FSTL4: variants seen among roughly 807,000 people sequenced by gnomAD.
The protein encoded by FSTL4 is follistatin like 4.
In FSTL4, 28 loss-of-function variants were observed where a neutral mutation model predicts 78.2. The ratio of observed to expected loss-of-function variants is 0.36; its 90% confidence interval spans 0.27 to 0.49. The LOEUF is 0.49. FSTL4 is among the 20% of genes least tolerant of loss of function. The pLI, the probability that FSTL4 is intolerant of heterozygous loss-of-function variation, is 0.98. For missense variants in FSTL4, 922 were observed against 1,084.9 expected, an observed-to-expected ratio of 0.85 and a Z score of 2.11; for synonymous variants, 422 against 440.5, an observed-to-expected ratio of 0.96 and a Z score of 0.53.
chr5:133,641,136 T>C, the FSTL4 span, among the ~76,000 whole-genome samples: 1 of 152,174 alleles, frequency 6.6e-6, no homozygotes, highest in Admixed American at 6.5e-5. Flanking sequence ...GCCCTGCTGC[T>C]GATTGAGTAA....
intron 3 of FSTL4, among the ~76,000 whole-genome samples, chr5:133,448,124 C>T (rs1295486970): frequency 1.3e-5 from 2 of 152,242 alleles, no homozygotes; most frequent in Non-Finnish European, 2.9e-5. Flanking sequence ...TAAGCACTAT[C>T]AGTAAACAGT....
intron 3 of FSTL4, among the ~76,000 whole-genome samples, chr5:133,432,869 G>A (rs1173026346): frequency 1.3e-5 from 2 of 152,150 alleles, no homozygotes; most frequent in Non-Finnish European, 2.9e-5. Context: ...AGAGATCCTT[G>A]CAGTACACCC....
chr5:133,697,832 A>T, the FSTL4 span, among the ~76,000 whole-genome samples: 1 of 152,134 alleles, frequency 6.6e-6, no homozygotes, highest in African/African-American at 2.4e-5. Flanking sequence ...ACCCGTTGCA[A>T]TTCTCAACAG....
rs1264118469 is a variant in FSTL4 at position 133,331,113 on chromosome 5, A to AAGCCCCGCTGAGAGGGAAAGC, written c.410-14482_410-14462dup. 7.2e-5 allele frequency among the ~76,000 whole-genome samples: 11 copies of AAGCCCCGCTGAGAGGGAAAGC among 152,294 alleles called. No individual in the cohort carries two copies. The East Asian group carries it at 2.1e-3, about 29-fold the overall frequency. On this transcript the variant is annotated intron_variant, in intron 4 of 15. Coordinates refer to ENST00000265342, the MANE Select transcript of FSTL4 (RefSeq NM_015082.2). The stretch of plus-strand genomic sequence containing the variant: ...CTCTGTGCACTGGGGTAGAGACAGC[A>AAGCCCCGCTGAGAGGGAAAGC]AGCCCCGCTGAGAGGGAAAGCAGCC...
chr5:133,722,195 G>A, the FSTL4 span, among the ~76,000 whole-genome samples: 1 of 152,072 alleles, frequency 6.6e-6, no homozygotes, highest in Admixed American at 6.5e-5. Context: ...GATCAGCAGG[G>A]ACATTAGATT....
the FSTL4 span, among the ~76,000 whole-genome samples, chr5:133,798,020 C>T: frequency 6.6e-6 from 1 of 152,140 alleles, no homozygotes; most frequent in Non-Finnish European, 1.5e-5. Context: ...CAACACTGGC[C>T]CACAGGCTCT....
chr5:133,802,263 A>G, the FSTL4 span, among the ~76,000 whole-genome samples: 1 of 152,218 alleles, frequency 6.6e-6, no homozygotes, highest in East Asian at 1.9e-4. Flanking sequence ...TAATTCTGCA[A>G]TTCCTAAGGA....
rs186025747 is a variant in FSTL4 at position 133,213,891 on chromosome 5, G to C, written c.1608+3338C>G. Among the ~76,000 whole-genome samples the C allele has an allele frequency of 2.6e-4, 40 of 152,250 alleles. 1 individual carries two copies. In the East Asian group the frequency reaches 7.1e-3, roughly 27 times the overall value. ...TTAAATATAATGACATAGAAAGGTTGAAAGTTAAAAGGAGGGAACAATTAT... is the reference window on the plus strand; with the variant it reads ...TTAAATATAATGACATAGAAAGGTTCAAAGTTAAAAGGAGGGAACAATTAT... On this transcript the variant is annotated intron_variant, in intron 13 of 15. Coordinates refer to ENST00000265342, the MANE Select transcript of FSTL4 (RefSeq NM_015082.2).
the FSTL4 span, among the ~76,000 whole-genome samples, chr5:133,748,557 C>T: frequency 7.2e-5 from 11 of 152,054 alleles, no homozygotes; most frequent in African/African-American, 1.7e-4. Context: ...GGTGACAGAG[C>T]GAGACTCCAT....
the FSTL4 span, among the ~76,000 whole-genome samples, chr5:133,842,011 G>T: frequency 6.6e-6 from 1 of 152,194 alleles, no homozygotes; most frequent in African/African-American, 2.4e-5. Flanking sequence ...TGGATTCTGT[G>T]CCTTTCTCTC....
the FSTL4 span, among the ~76,000 whole-genome samples, chr5:133,799,061 AGGT>A: frequency 1.8e-5 from 2 of 113,194 alleles, no homozygotes; most frequent in Non-Finnish European, 4.0e-5. Context: ...AGAGGAAAGG[AGGT>A]GGGGAGGAAA....
the FSTL4 span, among the ~76,000 whole-genome samples, chr5:133,660,566 C>T: frequency 9.2e-5 from 14 of 152,266 alleles, no homozygotes; most frequent in African/African-American, 3.1e-4. Flanking sequence ...CATGGAGTTA[C>T]GTGTCTACAG....
the FSTL4 span, among the ~76,000 whole-genome samples, chr5:133,772,946 G>A: frequency 6.6e-6 from 1 of 151,902 alleles, no homozygotes; most frequent in East Asian, 1.9e-4. Context: ...AAACTAAATT[G>A]ACTAATGCCT....
intron 6 of FSTL4, among the ~76,000 whole-genome samples, chr5:133,265,220 A>G (rs1425206515): frequency 6.6e-6 from 1 of 151,764 alleles, no homozygotes; most frequent in Admixed American, 6.6e-5. Context: ...CCAGCACCTG[A>G]TTTCCAGCCT....
At chr5:133,716,008 C>G in the FSTL4 span, among the ~76,000 whole-genome samples, 1 of 152,158 alleles carries the variant, frequency 6.6e-6, no homozygotes. Flanking sequence ...CTTAAGAGTT[C>G]AAGAAAGAAT....
chr5:133,705,869 G>GCGCGCACA, the FSTL4 span, among the ~76,000 whole-genome samples: 34 of 147,892 alleles, frequency 2.3e-4, no homozygotes, highest in African/African-American at 6.7e-4. Context: ...ACACACACAC[G>GCGCGCACA]CACACACACA....
chr5:133,662,284 T>A, the FSTL4 span, among the ~76,000 whole-genome samples: 1 of 152,232 alleles, frequency 6.6e-6, no homozygotes, highest in African/African-American at 2.4e-5. Context: ...TTCTATCTAA[T>A]CCTCAATTTT....
At chr5:133,269,184 CAAAA>C (rs869156118) in intron 6 of FSTL4, among the ~76,000 whole-genome samples, 11 of 58,986 alleles carry the variant, frequency 1.9e-4, no homozygotes, top group African/African-American at 3.9e-4. Flanking sequence ...GACTCCATCT[CAAAA>C]AAAAAAAAAA....
At chr5:133,527,494 CA>C (rs879730802) in intron 3 of FSTL4, among the ~76,000 whole-genome samples, 48,864 of 150,808 alleles carry the variant, frequency 0.32, 8,357 homozygotes, top group Admixed American at 0.44. Context: ...CACACACACA[CA>C]CACACACCCA....
Sources: gnomAD v4.1 joint callset for allele counts (sites outside exome capture counted in the v4.1 genomes callset) on GRCh38, gnomAD v4.1.1 for gene constraint, MANE v1.5 for transcripts, NCBI Gene and HGNC (gene_info 2026-07-23, HGNC 2026-07-21) for gene names.